CLEC2A: variants seen among roughly 807,000 people sequenced by gnomAD.
CLEC2A encodes the protein C-type lectin domain family 2 member A.
A neutral mutation model predicts 18.6 loss-of-function variants in CLEC2A; 19 were observed. The observed-to-expected ratio is 1.02, with a 90% CI of 0.71 to 1.50. The LOEUF (loss-of-function observed/expected upper bound fraction) is 1.50. CLEC2A is among the 40% of genes most tolerant of loss of function. CLEC2A has a pLI of 0.00. For synonymous variants in CLEC2A, 74 were observed against 64.0 expected (o/e 1.16, Z -0.75); for missense variants, 190 against 207.9 (o/e 0.91, Z 0.53).
the CLEC2A span, among the ~76,000 whole-genome samples, chr12:9,887,729 T>C: frequency 1.3e-5 from 2 of 151,776 alleles, no homozygotes; most frequent in African/African-American, 4.8e-5. Flanking sequence ...AAAGAGTTTT[T>C]TTTTTTTTTT....
At position 9,915,862 on chromosome 12, in the gene CLEC2A, G is replaced by A. The variant is rs1053397731; in HGVS notation, c.410+838C>T. ...TTGCATTTGTATCCCAGAACTTACA[G>A]TAAAATAAAAATATATTTTTTAATT... On this transcript the variant is annotated intron_variant, in intron 4 of 4. Coordinates refer to ENST00000455827, the MANE Select transcript of CLEC2A (RefSeq NM_001130711.2). Among the ~76,000 whole-genome samples the A allele has an allele frequency of 3.9e-5, 6 of 152,046 alleles. 1 individual carries two copies. Among genetic ancestry groups the A allele is most frequent in the Admixed American group, 3.9e-4 (6 of 15,266 alleles).
chr12:9,917,622 A>G (rs1370395445), intron 3 of CLEC2A, among the ~76,000 whole-genome samples: 1 of 151,902 alleles, frequency 6.6e-6, no homozygotes, highest in Admixed American at 6.6e-5. Context: ...TCATAAGTCA[A>G]TCACGTAAAC....
At chr12:9,914,586 C>A (rs1289447395) in intron 4 of CLEC2A, among the ~76,000 whole-genome samples, 1 of 152,104 alleles carries the variant, frequency 6.6e-6, no homozygotes, top group Non-Finnish European at 1.5e-5. Context: ...TGAACTTTGA[C>A]AAACCTGACA....
At chr12:9,906,059 C>G (rs111715645) in intron 4 of CLEC2A, among the ~76,000 whole-genome samples, 223 of 146,730 alleles carry the variant, frequency 1.5e-3, no homozygotes, top group African/African-American at 5.5e-3. Flanking sequence ...ACAGCTATCT[C>G]TAACTTGTTT....
chr12:9,925,878 C>T (rs569555906), intron 2 of CLEC2A, among the ~76,000 whole-genome samples: 15 of 152,296 alleles, frequency 9.8e-5, no homozygotes, highest in African/African-American at 3.4e-4. Context: ...TTCTTCCCTA[C>T]CCCTCCCTAA....
chr12:9,923,968 G>A (rs1400862562), intron 2 of CLEC2A, among the ~76,000 whole-genome samples: 1 of 151,970 alleles, frequency 6.6e-6, no homozygotes, highest in African/African-American at 2.4e-5. Context: ...CCTGTCGTGG[G>A]GTTGGGAGAG....
At chr12:9,918,232 G>A (rs1046396496) in intron 3 of CLEC2A, among the ~76,000 whole-genome samples, 10 of 152,088 alleles carry the variant, frequency 6.6e-5, no homozygotes, top group African/African-American at 2.2e-4. Context: ...ATAGTTTGGG[G>A]TTTTACATTT....
chr12:9,888,707 ATATCT>A, the CLEC2A span: 3 of 1,351,388 alleles, frequency 2.2e-6, no homozygotes, highest in African/African-American at 4.3e-5. Flanking sequence ...AATGTTTCTC[ATATCT>A]TTTCTTTGCA....
chr12:9,903,189 T>A (rs924964886), intron 4 of CLEC2A, among the ~76,000 whole-genome samples: 11 of 152,000 alleles, frequency 7.2e-5, no homozygotes, highest in Non-Finnish European at 1.3e-4. Context: ...TTTTTTTTTT[T>A]AATAATTCCT....
downstream of CLEC2A, among the ~76,000 whole-genome samples, chr12:9,911,805 G>T (rs909158844): frequency 6.6e-6 from 1 of 152,064 alleles, no homozygotes; most frequent in Non-Finnish European, 1.5e-5. Flanking sequence ...TTAAGAGACA[G>T]GGCTAGGAGA....
chr12:9,896,289 T>A (rs1438597251), downstream of CLEC2A, among the ~76,000 whole-genome samples: 1 of 152,138 alleles, frequency 6.6e-6, no homozygotes, highest in Non-Finnish European at 1.5e-5. Context: ...GGGGAGTGGG[T>A]AATGAGAAAT....
chr12:9,930,094 G>C (rs2137059603), intron 1 of CLEC2A, among the ~76,000 whole-genome samples: 1 of 152,260 alleles, frequency 6.6e-6, no homozygotes, highest in East Asian at 1.9e-4. Context: ...TTAAGATGTT[G>C]GTCGGATGGG....
At chr12:9,915,685 A>T (rs144824614) in intron 4 of CLEC2A, among the ~76,000 whole-genome samples, 1 of 152,218 alleles carries the variant, frequency 6.6e-6, no homozygotes, top group East Asian at 1.9e-4. Flanking sequence ...GGGCAACAAC[A>T]CACACTGGGG....
the CLEC2A span, among the ~76,000 whole-genome samples, chr12:9,888,124 T>G: frequency 8.5e-6 from 1 of 117,956 alleles, no homozygotes; most frequent in African/African-American, 3.3e-5. Flanking sequence ...AGAATGTCAA[T>G]TAAAAAGTCC....
the CLEC2A span, among the ~76,000 whole-genome samples, chr12:9,892,184 T>C: frequency 1.3e-5 from 2 of 152,180 alleles, no homozygotes; most frequent in Admixed American, 1.3e-4. Flanking sequence ...GGCTTCCTTT[T>C]TGAGGTGGAA....
Position 9,922,049 on chromosome 12 carries a change from C to A in CLEC2A, c.306+17G>T. On this transcript the variant is annotated intron_variant, in intron 3 of 4. Transcript: ENST00000455827. ...AAACAATCTCTGAAATTACTGAAGA[C>A]TTTTCTGTTTTCTTACCATGTCTTC... The A allele has an allele frequency of 6.6e-7, 1 of 1,515,470 alleles. No individual in the cohort carries two copies. Among genetic ancestry groups the A allele is most frequent in the South Asian group, 1.3e-5 (1 of 77,686 alleles). The allele number at this position is 1,515,470 out of a possible 1,614,324, so 93.9% of individuals were successfully genotyped here. A position where few individuals can be genotyped will look rare whatever the true frequency, so the allele number is the denominator to read the frequency against.
chr12:9,896,405 T>C (rs1862756000), downstream of CLEC2A, among the ~76,000 whole-genome samples: 1 of 151,718 alleles, frequency 6.6e-6, no homozygotes, highest in Non-Finnish European at 1.5e-5. Context: ...TTGTACCCTT[T>C]AAATGTATTC....
intron 3 of CLEC2A, among the ~76,000 whole-genome samples, chr12:9,918,410 G>GGT (rs1438735628): frequency 1.3e-5 from 2 of 152,118 alleles, no homozygotes; most frequent in Non-Finnish European, 2.9e-5. Flanking sequence ...GATGGTCGTA[G>GGT]GTGTGTGTCC....
downstream of CLEC2A, among the ~76,000 whole-genome samples, chr12:9,910,301 C>T (rs540833429): frequency 1.8e-3 from 272 of 152,206 alleles, no homozygotes; most frequent in Non-Finnish European, 2.7e-3. Context: ...CTTTATTTTC[C>T]CTGTCTTATT....
Sources: allele counts gnomAD v4.1 joint callset (sites outside exome capture counted in the v4.1 genomes callset), GRCh38; gene constraint gnomAD v4.1.1; transcripts MANE v1.5; gene names NCBI Gene and HGNC (gene_info 2026-07-23, HGNC 2026-07-21).